SDK1: variants seen among roughly 807,000 people sequenced by gnomAD.
The protein encoded by SDK1 is protein sidekick-1.
In SDK1, 157 loss-of-function variants were observed where a neutral mutation model predicts 245.5. The ratio of observed to expected loss-of-function variants is 0.64; its 90% CI spans 0.56 to 0.73. The LOEUF (loss-of-function observed/expected upper bound fraction) is 0.73, where lower values mean the gene tolerates loss of function less well. SDK1 is among the 30% of genes least tolerant of loss of function. The pLI is 0.00. For synonymous variants in SDK1, 1,647 were observed against 1,278.5 expected, an observed-to-expected ratio of 1.29 and a Z score of -6.15; for missense variants, 3,583 against 3,002.3, an observed-to-expected ratio of 1.19 and a Z score of -4.52.
At chr7:3,985,220 C>T (rs1032590755) in intron 13 of SDK1, among the ~76,000 whole-genome samples, 1 of 152,218 alleles carries the variant, frequency 6.6e-6, no homozygotes, top group Non-Finnish European at 1.5e-5. Context: ...TGGCGAAAAC[C>T]GTCCCAGTCA....
intron 19 of SDK1, among the ~76,000 whole-genome samples, chr7:4,055,770 CTG>C (rs1779157282): frequency 6.6e-6 from 1 of 152,030 alleles, no homozygotes; most frequent in East Asian, 1.9e-4. Flanking sequence ...GCGTTTAGTG[CTG>C]TACATTTCTG....
chr7:4,253,969 C>A (rs951412964), intron 44 of SDK1, among the ~76,000 whole-genome samples: 2 of 151,598 alleles, frequency 1.3e-5, no homozygotes, highest in African/African-American at 4.8e-5. Flanking sequence ...CTTGTTTTTG[C>A]TTTTGCTCTA....
intron 4 of SDK1, among the ~76,000 whole-genome samples, chr7:3,687,123 G>A (rs1050512967): frequency 9.3e-5 from 13 of 140,180 alleles, no homozygotes; most frequent in African/African-American, 4.0e-4. Flanking sequence ...CATGGGCATT[G>A]TTTCCAAGAC....
chr7:3,909,918 T>C (rs1583549082), intron 5 of SDK1, among the ~76,000 whole-genome samples: 2 of 152,278 alleles, frequency 1.3e-5, no homozygotes, highest in African/African-American at 4.8e-5. Context: ...TTATTATGCA[T>C]CTACACCCCG....
At chr7:4,264,731 AAGGCCGTGTAGACCTCTCCTGAGTGAGGG>A (rs547604913) in intron 44 of SDK1, among the ~76,000 whole-genome samples, 3,288 of 126,920 alleles carry the variant, frequency 0.026, 58 homozygotes, top group Non-Finnish European at 0.035. Context: ...TGGGGTAAGG[AAGGCCGTGTAGACCTCTCCTGAGTGAGGG>A]AGGCCGTGTA....
chr7:4,200,453 A>C (rs4723454), intron 35 of SDK1, among the ~76,000 whole-genome samples: 55,517 of 152,182 alleles, frequency 0.36, 10,716 homozygotes, highest in Middle Eastern at 0.5. Context: ...GAAATCTGGG[A>C]ATAACTTAGG....
intron 17 of SDK1, among the ~76,000 whole-genome samples, chr7:4,020,234 C>T (rs898206391): frequency 3.3e-5 from 5 of 152,032 alleles, no homozygotes; most frequent in African/African-American, 9.7e-5. Context: ...ATCCCTTGGA[C>T]GTGGCTGGGG....
chr7:3,335,939 G>T (rs1452051790), intron 1 of SDK1, among the ~76,000 whole-genome samples: 2 of 151,786 alleles, frequency 1.3e-5, no homozygotes, highest in Non-Finnish European at 2.9e-5. Context: ...AGAGAAGACT[G>T]TGGCCACTCT....
chr7:4,068,444 G>A (rs57557202), intron 20 of SDK1, among the ~76,000 whole-genome samples: 3,090 of 152,176 alleles, frequency 0.02, 163 homozygotes, highest in East Asian at 0.16. Flanking sequence ...TGAGGCTTAC[G>A]TGCCTGTGTC....
intron 15 of SDK1, 47 bp from the exon 16 acceptor site, chr7:4,012,048 G>A: frequency 7.3e-7 from 1 of 1,369,994 alleles, no homozygotes; most frequent in Non-Finnish European, 9.5e-7. Flanking sequence ...GGCCCCCGCT[G>A]TTTCTGGTAC....
chr7:4,142,899 C>T (rs1636412), intron 28 of SDK1, among the ~76,000 whole-genome samples: 27,303 of 152,202 alleles, frequency 0.18, 2,641 homozygotes, highest in South Asian at 0.23. Context: ...AGATGAACAT[C>T]GATTATGTGG....
At chr7:3,565,146 A>G (rs1779870427) in intron 1 of SDK1, among the ~76,000 whole-genome samples, 1 of 151,288 alleles carries the variant, frequency 6.6e-6, no homozygotes, top group Non-Finnish European at 1.5e-5. Context: ...ATAACTAGAC[A>G]CTGGAATATA....
chr7:3,444,224 G>T (rs1780279877), intron 1 of SDK1, among the ~76,000 whole-genome samples: 1 of 152,094 alleles, frequency 6.6e-6, no homozygotes, highest in African/African-American at 2.4e-5. Flanking sequence ...TCTTCTTTGG[G>T]TGGTCTCCCT....
At chr7:4,176,631 A>G (rs1782229686) in intron 34 of SDK1, among the ~76,000 whole-genome samples, 1 of 152,182 alleles carries the variant, frequency 6.6e-6, no homozygotes, top group African/African-American at 2.4e-5. Flanking sequence ...CTCTGTCCCC[A>G]TTAAATACTA....
At chr7:3,776,830 G>A (rs1042634660) in intron 4 of SDK1, among the ~76,000 whole-genome samples, 7 of 151,966 alleles carry the variant, frequency 4.6e-5, no homozygotes, top group Non-Finnish European at 8.8e-5. Context: ...TTGTTACAGT[G>A]ACCTGAGAAT....
intron 28 of SDK1, chr7:4,134,982 C>T (rs1291611272): frequency 6.6e-6 from 1 of 152,368 alleles, no homozygotes; most frequent in Non-Finnish European, 1.5e-5. Flanking sequence ...TTTCTGAGGA[C>T]TCACGCCGAT....
intron 4 of SDK1, among the ~76,000 whole-genome samples, chr7:3,733,511 C>T (rs761585715): frequency 1.3e-5 from 2 of 152,122 alleles, no homozygotes; most frequent in African/African-American, 4.8e-5. Flanking sequence ...TCTGGAGGTC[C>T]GAGTGCTGAG....
At chr7:3,943,072 C>T (rs746552706) in intron 5 of SDK1, among the ~76,000 whole-genome samples, 2 of 152,230 alleles carry the variant, frequency 1.3e-5, no homozygotes, top group African/African-American at 2.4e-5. Context: ...TCGCCAGGAG[C>T]ACTCGGCTGT....
intron 5 of SDK1, among the ~76,000 whole-genome samples, chr7:3,911,295 A>G (rs1779155410): frequency 6.6e-6 from 1 of 152,140 alleles, no homozygotes; most frequent in South Asian, 2.1e-4. Flanking sequence ...AGGGGCAGCA[A>G]TCAGAATTAG....
Sources: gnomAD v4.1 joint callset for allele counts (sites outside exome capture counted in the v4.1 genomes callset) on GRCh38, gnomAD v4.1.1 for gene constraint, MANE v1.5 for transcripts, NCBI Gene and HGNC (gene_info 2026-07-23, HGNC 2026-07-21) for gene names.